The following DNM3 variants were observed in gnomAD, a reference collection of about 807,000 sequenced individuals.
DNM3 encodes dynamin-3.
DNM3 carries 47 observed loss-of-function variants against 101.6 expected under a neutral mutation model. That is an observed-to-expected ratio of 0.46 (90% CI 0.37 to 0.59). The LOEUF (loss-of-function observed/expected upper bound fraction) is 0.59, where lower values mean the gene tolerates loss of function less well. Ranked by LOEUF, DNM3 falls within the 20% of genes least tolerant of loss-of-function variation. DNM3 has a pLI of 0.00. For synonymous variants in DNM3, 385 were observed against 387.9 expected (o/e 0.99, Z 0.09); for missense variants, 849 against 1,085.7 (o/e 0.78, Z 3.06).
intron 17 of DNM3, among the ~76,000 whole-genome samples, chr1:172,351,384 A>G (rs1165442500): frequency 1.3e-5 from 2 of 152,182 alleles, no homozygotes; most frequent in Non-Finnish European, 2.9e-5. Flanking sequence ...TAAAATTTTA[A>G]TATAATAAAT....
intron 14 of DNM3, among the ~76,000 whole-genome samples, chr1:172,184,176 T>C (rs1016885697): frequency 6.6e-6 from 1 of 152,126 alleles, no homozygotes; most frequent in Admixed American, 6.6e-5. Context: ...CATTAAATGA[T>C]GTTAAAACCT....
chr1:172,291,332 C>A (rs1359476091), intron 15 of DNM3, among the ~76,000 whole-genome samples: 2 of 152,004 alleles, frequency 1.3e-5, no homozygotes, highest in Non-Finnish European at 2.9e-5. Flanking sequence ...TGCTAGTATA[C>A]AATATGAATG....
chr1:171,926,523 A>G (rs1458054902), intron 2 of DNM3, among the ~76,000 whole-genome samples: 2 of 152,180 alleles, frequency 1.3e-5, no homozygotes, highest in African/African-American at 4.8e-5. Flanking sequence ...AAATCTGTTG[A>G]CCAGAGAAAT....
At chr1:171,882,689 A>G (rs1217327173) in intron 1 of DNM3, among the ~76,000 whole-genome samples, 1 of 152,130 alleles carries the variant, frequency 6.6e-6, no homozygotes, top group Non-Finnish European at 1.5e-5. Flanking sequence ...TTAAATTTTT[A>G]ATCTGGAATA....
chr1:172,056,931 A>C (rs2050685245), intron 10 of DNM3, among the ~76,000 whole-genome samples: 1 of 152,070 alleles, frequency 6.6e-6, no homozygotes, highest in Non-Finnish European at 1.5e-5. Context: ...AAGGCAAAGA[A>C]GTTGAAAACT....
At chr1:172,416,848 A>AG (rs1444667716), downstream of DNM3, among the ~76,000 whole-genome samples, 1 of 152,114 alleles carries the variant, frequency 6.6e-6, no homozygotes, top group African/African-American at 2.4e-5. Context: ...CAGACCCCCT[A>AG]GCCCCTGCCC....
intron 1 of DNM3, among the ~76,000 whole-genome samples, chr1:171,889,993 A>T (rs1269273871): frequency 1.3e-5 from 2 of 152,160 alleles, no homozygotes; most frequent in Non-Finnish European, 2.9e-5. Flanking sequence ...TCTCACCAAG[A>T]TTTACCAGCC....
At chr1:172,031,738 C>T (rs2048625484) in intron 4 of DNM3, among the ~76,000 whole-genome samples, 1 of 152,058 alleles carries the variant, frequency 6.6e-6, no homozygotes, top group Admixed American at 6.6e-5. Flanking sequence ...CTTTATTTGA[C>T]AGATGAGGAA....
chr1:172,151,694 G>A (rs375625306), intron 14 of DNM3, among the ~76,000 whole-genome samples: 75 of 152,094 alleles, frequency 4.9e-4, no homozygotes, highest in African/African-American at 1.6e-3. Flanking sequence ...TATGTGGGGT[G>A]GTCTCAGGTG....
intron 14 of DNM3, among the ~76,000 whole-genome samples, chr1:172,244,220 A>G (rs2061857536): frequency 6.6e-6 from 1 of 151,882 alleles, no homozygotes; most frequent in African/African-American, 2.4e-5. Flanking sequence ...GCTGCATAGT[A>G]TTCCATGGTG....
intron 14 of DNM3, among the ~76,000 whole-genome samples, chr1:172,192,367 CT>C (rs199599445): frequency 0.1 from 14,843 of 142,984 alleles, 903 homozygotes; most frequent in African/African-American, 0.17. Context: ...GGTGGATAAG[CT>C]TTTTTTTTTT....
intron 10 of DNM3, among the ~76,000 whole-genome samples, chr1:172,066,713 G>A (rs190244553): frequency 1.3e-4 from 20 of 152,272 alleles, no homozygotes; most frequent in African/African-American, 4.8e-4. Flanking sequence ...TCTTCAAATA[G>A]TGTTGTAAAT....
intron 17 of DNM3, among the ~76,000 whole-genome samples, chr1:172,332,577 A>G (rs1208705517): frequency 1.4e-4 from 21 of 152,130 alleles, no homozygotes; most frequent in Admixed American, 1.2e-3. Context: ...CCAAAGTGCT[A>G]GGATTATAGG....
chr1:172,016,969 C>T (rs2047493086), intron 4 of DNM3, among the ~76,000 whole-genome samples: 1 of 152,148 alleles, frequency 6.6e-6, no homozygotes, highest in African/African-American at 2.4e-5. Context: ...AAGCAATCCT[C>T]TCACCTCAGC....
intron 12 of DNM3, among the ~76,000 whole-genome samples, chr1:172,084,447 A>G (rs1005884285): frequency 2.0e-5 from 3 of 152,198 alleles, no homozygotes; most frequent in African/African-American, 4.8e-5. Flanking sequence ...TAATATCATT[A>G]TCTCTAAATG....
intron 17 of DNM3, among the ~76,000 whole-genome samples, chr1:172,350,485 C>G (rs2067154040): frequency 1.3e-5 from 2 of 152,084 alleles, no homozygotes; most frequent in Admixed American, 1.3e-4. Context: ...TCAAAGATTA[C>G]TTAACTGTCG....
chr1:172,201,976 CAAG>C (rs2060170817), intron 14 of DNM3, among the ~76,000 whole-genome samples: 2 of 152,142 alleles, frequency 1.3e-5, no homozygotes, highest in African/African-American at 4.8e-5. Context: ...TGCTTCCCTG[CAAG>C]AAGGAGGTTC....
In DNM3 at chr1:172,217,904, G is replaced by A. The variant is rs1459989316; in HGVS notation, c.1660-35669G>A. On this transcript the variant is annotated intron_variant, in intron 14 of 20. Coordinates refer to ENST00000627582, the MANE Select transcript of DNM3 (RefSeq NM_015569.5). ...TTTTAAACTAGAATGGTTAACAGCT[G>A]TGTCTTTCCTGAATTATTATAAGCT... is the stretch of plus-strand genomic sequence containing the variant. Among the ~76,000 whole-genome samples, 8 of 152,256 alleles carry A rather than the reference G, an allele frequency of 5.3e-5. No individual in the cohort carries two copies. In the East Asian group the frequency reaches 9.6e-4, roughly 18 times the overall value.
chr1:172,301,080 A>G (rs925811098), intron 15 of DNM3, among the ~76,000 whole-genome samples: 1 of 152,244 alleles, frequency 6.6e-6, no homozygotes, highest in Non-Finnish European at 1.5e-5. Context: ...GCTCTTAGGC[A>G]TAAATAAGCA....
Sources: gnomAD v4.1 joint callset for allele counts (sites outside exome capture counted in the v4.1 genomes callset) on GRCh38, gnomAD v4.1.1 for gene constraint, MANE v1.5 for transcripts, NCBI Gene and HGNC (gene_info 2026-07-23, HGNC 2026-07-21) for gene names.